The following ANKRD12 variants were observed in gnomAD, a reference collection of about 807,000 sequenced individuals.
The protein encoded by ANKRD12 is ankyrin repeat domain 12.
In ANKRD12, 85 loss-of-function variants were observed where a neutral mutation model predicts 183.4. That is an observed-to-expected ratio of 0.46 (90% CI 0.39 to 0.56). The LOEUF is 0.56. Among genes scored for constraint, ANKRD12 ranks in the 20% least tolerant of loss-of-function variants. The pLI is 0.00. For synonymous variants in ANKRD12, 914 were observed against 800.2 expected, an observed-to-expected ratio of 1.14 and a Z score of -2.40; for missense variants, 2,405 against 2,357.1, an observed-to-expected ratio of 1.02 and a Z score of -0.42.
At chr18:9,225,471 T>G (rs922474336) in intron 8 of ANKRD12, among the ~76,000 whole-genome samples, 7 of 67,264 alleles carry the variant, frequency 1.0e-4, no homozygotes, top group African/African-American at 3.5e-4. Context: ...CAGACTATCT[T>G]TAAAAAAAAA....
chr18:9,212,205 C>G (rs2035843081), intron 6 of ANKRD12, among the ~76,000 whole-genome samples: 1 of 151,960 alleles, frequency 6.6e-6, no homozygotes, highest in African/African-American at 2.4e-5. Flanking sequence ...TACATTCTTG[C>G]TGTAAATAAT....
chr18:9,195,443 G>T, intron 2 of ANKRD12, 108 bp from the exon 3 acceptor site: 1 of 715,820 alleles, frequency 1.4e-6, no homozygotes, highest in Non-Finnish European at 2.0e-6. Context: ...TACAGTGATA[G>T]GTAATACTAT....
chr18:9,234,430 C>T (rs1055243831), intron 8 of ANKRD12, among the ~76,000 whole-genome samples: 2 of 152,170 alleles, frequency 1.3e-5, no homozygotes, highest in Non-Finnish European at 2.9e-5. Context: ...GCAGGGAGCT[C>T]TGGGCTCTAG....
chr18:9,207,640 T>C (rs944276372), intron 4 of ANKRD12, among the ~76,000 whole-genome samples: 2 of 152,052 alleles, frequency 1.3e-5, no homozygotes, highest in African/African-American at 2.4e-5. Flanking sequence ...AAAAAGACAC[T>C]ATTTTGACTA....
At chr18:9,227,251 C>G (rs1171941673) in intron 8 of ANKRD12, among the ~76,000 whole-genome samples, 1 of 151,950 alleles carries the variant, frequency 6.6e-6, no homozygotes, top group East Asian at 1.9e-4. Flanking sequence ...CTGGATAAAT[C>G]TGGGTTACAG....
intron 4 of ANKRD12, among the ~76,000 whole-genome samples, chr18:9,208,007 T>A (rs1287106301): frequency 6.6e-6 from 1 of 152,214 alleles, no homozygotes; most frequent in Non-Finnish European, 1.5e-5. Flanking sequence ...ATGGGTCAGA[T>A]CTCTTTGAAA....
intron 2 of ANKRD12, among the ~76,000 whole-genome samples, 184 bp downstream of exon 2, chr18:9,182,703 G>A (rs2033785447): frequency 6.6e-6 from 1 of 152,146 alleles, no homozygotes; most frequent in Non-Finnish European, 1.5e-5. Flanking sequence ...TCCTTAAGGT[G>A]AACACACAAC....
chr18:9,169,215 T>C (rs1222761594), intron 1 of ANKRD12, among the ~76,000 whole-genome samples: 1 of 152,230 alleles, frequency 6.6e-6, no homozygotes, highest in Non-Finnish European at 1.5e-5. Flanking sequence ...GAGAGTTCTG[T>C]AGATGTCTAT....
At chr18:9,224,294 A>G (rs1016899153) in intron 8 of ANKRD12, among the ~76,000 whole-genome samples, 2 of 152,218 alleles carry the variant, frequency 1.3e-5, no homozygotes, top group African/African-American at 4.8e-5. Flanking sequence ...ACAGACTGAA[A>G]GAGGGATATG....
chr18:9,196,108 AACACACACACACACACACACACACACAC>A (rs36156556), intron 3 of ANKRD12, among the ~76,000 whole-genome samples: 1 of 64,112 alleles, frequency 1.6e-5, no homozygotes, highest in Non-Finnish European at 3.3e-5. Flanking sequence ...GAAACATGCA[AACACACACACACACACACACACACACAC>A]ACACACACAC....
chr18:9,201,273 T>C (rs1178399124), intron 3 of ANKRD12, among the ~76,000 whole-genome samples: 3 of 152,218 alleles, frequency 2.0e-5, no homozygotes, highest in Non-Finnish European at 2.9e-5. Flanking sequence ...AAGTGAACTT[T>C]ATTCCTGCAT....
intron 5 of ANKRD12, 55 bp downstream of exon 5, chr18:9,208,858 G>T: frequency 7.1e-7 from 1 of 1,410,648 alleles, no homozygotes; most frequent in South Asian, 1.7e-5. Flanking sequence ...TCAGGCAACT[G>T]TAGTCTCGTC....
chr18:9,161,595 C>G, intron 1 of ANKRD12, among the ~76,000 whole-genome samples: 1 of 151,838 alleles, frequency 6.6e-6, no homozygotes, highest in East Asian at 1.9e-4. Context: ...CCAGGATGGT[C>G]TCGATCTGCT....
chr18:9,275,795 T>A, intron 11 of ANKRD12, 128 bp downstream of exon 11: 1 of 908,146 alleles, frequency 1.1e-6, no homozygotes, highest in Non-Finnish European at 1.6e-6. Context: ...GAAAAAAAAC[T>A]CTTTCAAGCC....
chr18:9,270,660 A>G (rs958251717), intron 10 of ANKRD12, among the ~76,000 whole-genome samples: 14 of 152,204 alleles, frequency 9.2e-5, no homozygotes, highest in Non-Finnish European at 1.9e-4. Context: ...AGAGATACCT[A>G]ATATTAAATG....
chr18:9,202,795 C>G (rs898463470), intron 3 of ANKRD12, among the ~76,000 whole-genome samples: 8 of 152,168 alleles, frequency 5.3e-5, no homozygotes, highest in Non-Finnish European at 1.5e-5. Flanking sequence ...TTAATAGAAG[C>G]TTTAATTTTC....
At chr18:9,223,090 CCAA>C (rs946998075) in intron 8 of ANKRD12, among the ~76,000 whole-genome samples, 19 of 152,004 alleles carry the variant, frequency 1.2e-4, no homozygotes, top group South Asian at 2.1e-4. Flanking sequence ...AAAATTAAAA[CCAA>C]CAACAACATT....
In ANKRD12 at chr18:9,235,139, C is replaced by A. The variant is rs1008722161; in HGVS notation, c.943+13140C>A. On this transcript the variant is annotated intron_variant, in intron 8 of 12. Transcript: ENST00000262126. ...CTATAGTCTGCCATCTTGTTTAATT[C>A]TTTATGATAAGTTAAAAAATTAATT... Among the ~76,000 whole-genome samples, 11 of 152,184 alleles carry A rather than the reference C, an allele frequency of 7.2e-5. No individual in the cohort carries two copies. The East Asian group carries it at 1.9e-3, about 27-fold the overall frequency.
At chr18:9,213,442 A>T (rs1245138798) in intron 6 of ANKRD12, among the ~76,000 whole-genome samples, 2 of 151,964 alleles carry the variant, frequency 1.3e-5, no homozygotes, top group African/African-American at 4.8e-5. Flanking sequence ...AGTTGTAAGG[A>T]TACTTGTTAC....
Sources: allele counts gnomAD v4.1 joint callset (sites outside exome capture counted in the v4.1 genomes callset), GRCh38; gene constraint gnomAD v4.1.1; transcripts MANE v1.5; gene names NCBI Gene and HGNC (gene_info 2026-07-23, HGNC 2026-07-21).